The following PRIM2 variants were observed in gnomAD, a reference collection of about 807,000 sequenced individuals.
The protein encoded by PRIM2 is DNA primase large subunit.
A neutral mutation model predicts 67.3 loss-of-function variants in PRIM2; 39 were observed. The ratio of observed to expected loss-of-function variants is 0.58; its 90% CI spans 0.45 to 0.76. The LOEUF is 0.76. Ranked by LOEUF, PRIM2 falls within the 30% of genes least tolerant of loss-of-function variation. PRIM2 has a pLI of 0.00. For missense variants in PRIM2, 398 were observed against 598.7 expected (o/e 0.66, Z 3.50); for synonymous variants, 143 against 198.7 (o/e 0.72, Z 2.36).
chr6:57,426,306 A>G (rs1161007057), intron 7 of PRIM2, among the ~76,000 whole-genome samples: 1 of 152,154 alleles, frequency 6.6e-6, no homozygotes, highest in African/African-American at 2.4e-5. Context: ...AGTTTTGCCT[A>G]TTTTAGAGTT....
intron 10 of PRIM2, among the ~76,000 whole-genome samples, chr6:57,567,517 C>G (rs1259780731): frequency 1.3e-5 from 2 of 152,064 alleles, no homozygotes; most frequent in Non-Finnish European, 2.9e-5. Flanking sequence ...ATGGGTTTAT[C>G]AGGACATAAC....
chr6:57,602,035 A>G (rs1776477366), intron 11 of PRIM2, among the ~76,000 whole-genome samples: 2 of 151,984 alleles, frequency 1.3e-5, no homozygotes, highest in Middle Eastern at 3.2e-3. Context: ...ATAGACAGAT[A>G]AGATAGATCT....
At chr6:57,345,759 G>T (rs1333446944) in intron 5 of PRIM2, among the ~76,000 whole-genome samples, 2 of 152,172 alleles carry the variant, frequency 1.3e-5, no homozygotes, top group Admixed American at 1.3e-4. Context: ...TGCATAGGCA[G>T]AGTAGCCCTA....
chr6:57,350,545 T>G (rs1008299312), intron 5 of PRIM2, among the ~76,000 whole-genome samples: 1 of 151,028 alleles, frequency 6.6e-6, no homozygotes, highest in Non-Finnish European at 1.5e-5. Context: ...GTAGGAGGGG[T>G]GGTTTGGGAT....
chr6:57,448,785 G>T (rs557342005), intron 7 of PRIM2, among the ~76,000 whole-genome samples: 1 of 152,252 alleles, frequency 6.6e-6, no homozygotes, highest in Non-Finnish European at 1.5e-5. Context: ...ACTTATAGGG[G>T]TGCATAACTT....
At chr6:57,604,725 C>G (rs1287282329) in intron 11 of PRIM2, among the ~76,000 whole-genome samples, 1 of 150,666 alleles carries the variant, frequency 6.6e-6, no homozygotes, top group Non-Finnish European at 1.5e-5. Flanking sequence ...GAGTCTCACT[C>G]TGTTTCCCAG....
upstream of PRIM2, among the ~76,000 whole-genome samples, chr6:57,313,106 C>G (rs1176640957): frequency 6.6e-6 from 1 of 152,160 alleles, no homozygotes; most frequent in African/African-American, 2.4e-5. Flanking sequence ...GATTAGCCTT[C>G]CATCTGCCTG....
At chr6:57,386,941 G>C (rs1421462640) in intron 7 of PRIM2, among the ~76,000 whole-genome samples, 3 of 152,154 alleles carry the variant, frequency 2.0e-5, no homozygotes, top group African/African-American at 7.2e-5. Flanking sequence ...TTTACCCCAG[G>C]TGACAACTGA....
chr6:57,555,794 A>G (rs1157090682), intron 10 of PRIM2, among the ~76,000 whole-genome samples: 5 of 152,170 alleles, frequency 3.3e-5, no homozygotes, highest in East Asian at 3.9e-4. Flanking sequence ...TAGAAAAATG[A>G]AAAATAAAAA....
intron 12 of PRIM2, among the ~76,000 whole-genome samples, chr6:57,608,337 T>G (rs1776597843): frequency 6.6e-6 from 1 of 152,218 alleles, no homozygotes; most frequent in Non-Finnish European, 1.5e-5. Flanking sequence ...AGGATTATTT[T>G]ACTTTGACTT....
At chr6:57,567,131 G>T (rs1420950710) in intron 10 of PRIM2, among the ~76,000 whole-genome samples, 13 of 151,932 alleles carry the variant, frequency 8.6e-5, no homozygotes, top group Admixed American at 3.3e-4. Context: ...CGAAACATTA[G>T]AAATATTGTA....
chr6:57,376,726 A>G (rs1769777059), intron 5 of PRIM2, among the ~76,000 whole-genome samples: 1 of 152,082 alleles, frequency 6.6e-6, no homozygotes, highest in Admixed American at 6.6e-5. Flanking sequence ...CAGTTTCTCT[A>G]AGATTTTATA....
At chr6:57,620,896 T>C (rs1424712318) in intron 12 of PRIM2, among the ~76,000 whole-genome samples, 17 of 152,282 alleles carry the variant, frequency 1.1e-4, no homozygotes, top group Non-Finnish European at 2.1e-4. Context: ...AGGCATTTCA[T>C]GTAAATGGAC....
intron 10 of PRIM2, among the ~76,000 whole-genome samples, chr6:57,577,930 A>G (rs1279229624): frequency 2.0e-5 from 3 of 152,186 alleles, no homozygotes; most frequent in African/African-American, 7.2e-5. Context: ...TTTCTCACTA[A>G]TGTCCTTCTG....
At chr6:57,276,868 G>T in the PRIM2 span, among the ~76,000 whole-genome samples, 1 of 151,154 alleles carries the variant, frequency 6.6e-6, no homozygotes, top group African/African-American at 2.4e-5. Flanking sequence ...CAGCCTGGGT[G>T]ACCAACTGAG....
intron 5 of PRIM2, among the ~76,000 whole-genome samples, chr6:57,344,333 A>C (rs9370579): frequency 1.3e-5 from 2 of 152,152 alleles, no homozygotes; most frequent in African/African-American, 4.8e-5. Context: ...AAATTGAGTA[A>C]TTATTTTTTT....
At chr6:57,396,074 CA>C (rs1770505174) in intron 7 of PRIM2, among the ~76,000 whole-genome samples, 1 of 152,190 alleles carries the variant, frequency 6.6e-6, no homozygotes, top group African/African-American at 2.4e-5. Flanking sequence ...CATGGCCTGT[CA>C]TATAGTCTAT....
the PRIM2 span, among the ~76,000 whole-genome samples, chr6:57,294,444 G>A: frequency 6.6e-6 from 1 of 152,074 alleles, no homozygotes; most frequent in African/African-American, 2.4e-5. Context: ...TCGTGCTACT[G>A]CACTCCAGCC....
chr6:57,604,001 T>G (rs1472245200), intron 11 of PRIM2, among the ~76,000 whole-genome samples: 1 of 152,182 alleles, frequency 6.6e-6, no homozygotes, highest in Admixed American at 6.5e-5. Flanking sequence ...ATTGTTGGTA[T>G]GTAGAAATGC....
Sources: gnomAD v4.1 joint callset for allele counts (sites outside exome capture counted in the v4.1 genomes callset) on GRCh38, gnomAD v4.1.1 for gene constraint, MANE v1.5 for transcripts, NCBI Gene and HGNC (gene_info 2026-07-23, HGNC 2026-07-21) for gene names.